KIF26B: variants seen among roughly 807,000 people sequenced by gnomAD.
KIF26B encodes kinesin family member 26B, also known as kinesin-like protein KIF26B.
In KIF26B, 63 loss-of-function variants were observed where a neutral mutation model predicts 151.2. The ratio of observed to expected loss-of-function variants is 0.42; its 90% CI spans 0.34 to 0.51. KIF26B has a LOEUF of 0.51. KIF26B is among the 20% of genes least tolerant of loss of function. The pLI is 0.07. For missense variants in KIF26B, 2,813 were observed against 2,913.6 expected (o/e 0.97, Z 0.79); for synonymous variants, 1,357 against 1,262.1 (o/e 1.08, Z -1.59).
chr1:245,220,698 T>C (rs1248811053), intron 2 of KIF26B, among the ~76,000 whole-genome samples: 1 of 152,154 alleles, frequency 6.6e-6, no homozygotes, highest in East Asian at 1.9e-4. Flanking sequence ...TTGCAGCTGG[T>C]TTTCTTTAAC....
rs147241813 is a variant in KIF26B, at chr1:245,307,826, C to T, written c.466-59008C>T. ...CGCGATCTGGGCTCACTGCAAGCTC[C>T]GCCTCCCGGGTTCACGCAATTCTCC... is the stretch of plus-strand genomic sequence containing the variant. On this transcript the variant is annotated intron_variant, in intron 2 of 14. Transcript: ENST00000407071. Among the ~76,000 whole-genome samples the T allele has an allele frequency of 7.9e-3, 1,200 of 151,884 alleles. 21 individuals carry two copies. Among genetic ancestry groups the T allele is most frequent in the African/African-American group, 0.028 (1,157 of 41,376 alleles).
At chr1:245,676,508 T>C (rs1305888144) in intron 10 of KIF26B, 1 of 152,278 alleles carries the variant, frequency 6.6e-6, no homozygotes, top group African/African-American at 2.4e-5. Context: ...ACATCATATA[T>C]TTCTTCTAAA....
intron 12 of KIF26B, among the ~76,000 whole-genome samples, chr1:245,696,537 A>G (rs1247535840): frequency 6.6e-6 from 1 of 152,116 alleles, no homozygotes; most frequent in African/African-American, 2.4e-5. Flanking sequence ...TTTGGGGTTT[A>G]TTTGTTACAC....
At chr1:245,431,722 C>A (rs958476934) in intron 4 of KIF26B, among the ~76,000 whole-genome samples, 2 of 152,164 alleles carry the variant, frequency 1.3e-5, no homozygotes, top group African/African-American at 4.8e-5. Context: ...TGTGTTCCAC[C>A]CACCTTGGCC....
chr1:245,250,921 A>G (rs1670432110), intron 2 of KIF26B, among the ~76,000 whole-genome samples: 1 of 152,212 alleles, frequency 6.6e-6, no homozygotes. Context: ...TACTCACAGC[A>G]AAGACTTATT....
At chr1:245,379,952 CA>C (rs895258174) in intron 3 of KIF26B, among the ~76,000 whole-genome samples, 3 of 142,318 alleles carry the variant, frequency 2.1e-5, no homozygotes, top group Admixed American at 7.2e-5. Context: ...GCCTGGGCGA[CA>C]GAGCAAGACT....
At chr1:245,363,166 C>T (rs536076361) in intron 2 of KIF26B, among the ~76,000 whole-genome samples, 2 of 152,262 alleles carry the variant, frequency 1.3e-5, no homozygotes, top group South Asian at 2.1e-4. Flanking sequence ...TGGTATAATT[C>T]GAGGCATCTA....
At chr1:245,499,699 G>A (rs1660581912) in intron 4 of KIF26B, among the ~76,000 whole-genome samples, 1 of 152,226 alleles carries the variant, frequency 6.6e-6, no homozygotes, top group Admixed American at 6.5e-5. Flanking sequence ...CACGTTGTCT[G>A]GAAATAGCTC....
chr1:245,217,504 A>G (rs10802199), intron 2 of KIF26B, among the ~76,000 whole-genome samples: 50,787 of 151,372 alleles, frequency 0.34, 8,947 homozygotes, highest in East Asian at 0.68. Context: ...AGCTGGCATT[A>G]CAGGTGCCCA....
chr1:245,544,396 A>T (rs1661692326), intron 5 of KIF26B, among the ~76,000 whole-genome samples: 1 of 152,158 alleles, frequency 6.6e-6, no homozygotes, highest in Admixed American at 6.5e-5. Flanking sequence ...AACGCTTGAG[A>T]TGGCCCTGAA....
intron 9 of KIF26B, among the ~76,000 whole-genome samples, chr1:245,638,557 T>A (rs895618046): frequency 6.6e-6 from 1 of 151,876 alleles, no homozygotes; most frequent in Admixed American, 6.6e-5. Flanking sequence ...GAGCATCCTT[T>A]TCTTATTCCA....
At chr1:245,383,419 G>C (rs958741284) in intron 3 of KIF26B, among the ~76,000 whole-genome samples, 10 of 152,194 alleles carry the variant, frequency 6.6e-5, no homozygotes, top group Admixed American at 2.6e-4. Flanking sequence ...CTCCAGCTTA[G>C]AGATTCATTC....
intron 10 of KIF26B, among the ~76,000 whole-genome samples, chr1:245,674,183 C>A (rs1021237039): frequency 6.6e-6 from 1 of 152,188 alleles, no homozygotes; most frequent in Non-Finnish European, 1.5e-5. Context: ...CTTATCCCCC[C>A]CACCAGTAAA....
At chr1:245,548,814 G>A (rs1661810964) in intron 5 of KIF26B, among the ~76,000 whole-genome samples, 2 of 150,832 alleles carry the variant, frequency 1.3e-5, no homozygotes, top group African/African-American at 4.9e-5. Flanking sequence ...CACAATCTCA[G>A]CTCACTGCAA....
intron 2 of KIF26B, among the ~76,000 whole-genome samples, chr1:245,312,418 C>G (rs1205482964): frequency 1.3e-5 from 2 of 152,142 alleles, no homozygotes; most frequent in Admixed American, 1.3e-4. Flanking sequence ...GATTTTTAAT[C>G]TACATAAATA....
chr1:245,509,234 T>G, intron 4 of KIF26B, among the ~76,000 whole-genome samples: 1 of 152,200 alleles, frequency 6.6e-6, no homozygotes, highest in Admixed American at 6.5e-5. Flanking sequence ...AGAAGGGCAG[T>G]GTGTATAGGT....
At chr1:245,370,231 G>A (rs886676125) in intron 3 of KIF26B, among the ~76,000 whole-genome samples, 1 of 151,748 alleles carries the variant, frequency 6.6e-6, no homozygotes, top group African/African-American at 2.4e-5. Flanking sequence ...TAATACATTG[G>A]GTACATTTCC....
intron 4 of KIF26B, among the ~76,000 whole-genome samples, chr1:245,507,895 G>C (rs1186032783): frequency 6.6e-6 from 1 of 152,110 alleles, no homozygotes; most frequent in Non-Finnish European, 1.5e-5. Context: ...ATTCCTATTG[G>C]CATCTTTCAT....
chr1:245,362,832 A>G (rs1672855392), intron 2 of KIF26B, among the ~76,000 whole-genome samples: 1 of 152,178 alleles, frequency 6.6e-6, no homozygotes, highest in Admixed American at 6.5e-5. Context: ...ATGATTTGGT[A>G]TATATTCCTG....
Sources: gnomAD v4.1 joint callset for allele counts (sites outside exome capture counted in the v4.1 genomes callset) on GRCh38, gnomAD v4.1.1 for gene constraint, MANE v1.5 for transcripts, NCBI Gene and HGNC (gene_info 2026-07-23, HGNC 2026-07-21) for gene names.